SH3RF3: variants seen among roughly 807,000 people sequenced by gnomAD.
The protein encoded by SH3RF3 is SH3 domain containing ring finger 3, also known as E3 ubiquitin-protein ligase SH3RF3.
In SH3RF3, 29 loss-of-function variants were observed where a neutral mutation model predicts 66.3. The ratio of observed to expected loss-of-function variants is 0.44; its 90% CI spans 0.33 to 0.60. The LOEUF (loss-of-function observed/expected upper bound fraction) is 0.60, where lower values mean the gene tolerates loss of function less well. Among genes scored for constraint, SH3RF3 ranks in the 20% least tolerant of loss-of-function variants. The pLI is 0.04. For missense variants in SH3RF3, 1,194 were observed against 1,190.9 expected (o/e 1.00, Z -0.04); for synonymous variants, 583 against 532.0 (o/e 1.10, Z -1.32).
intron 1 of SH3RF3, among the ~76,000 whole-genome samples, chr2:109,179,964 CA>C (rs1446128545): frequency 5.9e-5 from 3 of 50,786 alleles, no homozygotes; most frequent in Admixed American, 5.0e-4. Flanking sequence ...CATTTGGACC[CA>C]AAGGTGTTCT....
At chr2:109,379,327 A>G (rs1055254943) in intron 3 of SH3RF3, among the ~76,000 whole-genome samples, 3 of 152,226 alleles carry the variant, frequency 2.0e-5, no homozygotes, top group African/African-American at 7.2e-5. Context: ...TTTTCCTTAG[A>G]TGAGGAACTG....
At chr2:109,331,226 G>A (rs541498598) in intron 1 of SH3RF3, among the ~76,000 whole-genome samples, 30 of 152,122 alleles carry the variant, frequency 2.0e-4, no homozygotes, top group Non-Finnish European at 3.4e-4. Flanking sequence ...GAAATTTCCT[G>A]ATATTGTGTA....
At chr2:109,442,826 G>A (rs1364346378) in intron 7 of SH3RF3, among the ~76,000 whole-genome samples, 1 of 152,222 alleles carries the variant, frequency 6.6e-6, no homozygotes, top group Non-Finnish European at 1.5e-5. Context: ...AAAACATATA[G>A]TAGGATGGTA....
chr2:109,188,095 C>T (rs565083711), intron 1 of SH3RF3, among the ~76,000 whole-genome samples: 155 of 152,364 alleles, frequency 1.0e-3, no homozygotes, highest in Non-Finnish European at 1.9e-3. Context: ...CAGATGTGTG[C>T]TCTGTGCGGT....
At chr2:109,238,449 TTGTGTGTGTGTGTGTGTG>T (rs56112018) in intron 1 of SH3RF3, among the ~76,000 whole-genome samples, 1,907 of 142,702 alleles carry the variant, frequency 0.013, 45 homozygotes, top group African/African-American at 0.039. Flanking sequence ...TTATGTATAT[TTGTGTGTGTGTGTGTGTG>T]TGTGTGTGTG....
intron 4 of SH3RF3, among the ~76,000 whole-genome samples, chr2:109,416,977 A>G (rs1303865471): frequency 2.0e-5 from 3 of 151,818 alleles, no homozygotes; most frequent in African/African-American, 7.3e-5. Flanking sequence ...ACACAGTCAC[A>G]GGCCATGGTG....
In SH3RF3 at chr2:109,185,770, A is replaced by G. The variant is rs955555763; in HGVS notation, c.573+55657A>G. Among the ~76,000 whole-genome samples, 5 of 152,354 alleles carry G rather than the reference A, an allele frequency of 3.3e-5. No individual in the cohort carries two copies. The East Asian group carries it at 9.6e-4, about 29-fold the overall frequency. ...ATCCAGGATTTTATATTGTGATTTCAAATTAACTTGGCACACTAATACTTC... is the reference window on the plus strand; with the variant it reads ...ATCCAGGATTTTATATTGTGATTTCGAATTAACTTGGCACACTAATACTTC... On this transcript the variant is annotated intron_variant, in intron 1 of 9. Transcript: ENST00000309415.
chr2:109,463,520 C>T (rs190693404), intron 8 of SH3RF3, among the ~76,000 whole-genome samples: 13 of 152,248 alleles, frequency 8.5e-5, no homozygotes, highest in Admixed American at 4.6e-4. Flanking sequence ...TTCTCATAGT[C>T]GTGGTGAAAG....
intron 1 of SH3RF3, among the ~76,000 whole-genome samples, chr2:109,152,440 G>C (rs1377497661): frequency 1.3e-5 from 2 of 152,220 alleles, no homozygotes; most frequent in African/African-American, 2.4e-5. Flanking sequence ...AGTTGAGAAC[G>C]AGAGCATAAT....
In SH3RF3 at chr2:109,442,502, CTG is replaced by C. The variant is rs1677597739; in HGVS notation, c.1828+5358_1828+5359del. On this transcript the variant is annotated intron_variant, in intron 7 of 9. Coordinates refer to ENST00000309415, the MANE Select transcript of SH3RF3 (RefSeq NM_001099289.3). ...TTGAATATCTTTAAAATATAATTGA[CTG>C]TTTAAACAAAAGTGAAAGCAATCTA... Among the ~76,000 whole-genome samples the C allele has an allele frequency of 2.6e-5, 4 of 152,230 alleles. No individual in the cohort carries two copies. In the South Asian group the frequency reaches 8.3e-4, roughly 32 times the overall value.
intron 5 of SH3RF3, among the ~76,000 whole-genome samples, chr2:109,428,726 G>A (rs111575456): frequency 3.9e-5 from 6 of 152,338 alleles, no homozygotes; most frequent in East Asian, 1.9e-4. Flanking sequence ...GTGAGAATCC[G>A]CAGAGGTGAT....
At chr2:109,218,217 A>G (rs1679147329) in intron 1 of SH3RF3, among the ~76,000 whole-genome samples, 1 of 151,950 alleles carries the variant, frequency 6.6e-6, no homozygotes, top group Non-Finnish European at 1.5e-5. Flanking sequence ...TTTAGTTTTC[A>G]TCAGGGTCCT....
chr2:109,199,329 A>AAAATG (rs760585292), intron 1 of SH3RF3, among the ~76,000 whole-genome samples: 15 of 1,076 alleles, frequency 0.014, 4 homozygotes, highest in East Asian at 0.036. Flanking sequence ...CTCAAAAAGT[A>AAAATG]AAATGGAATG....
rs1215534690 is a variant in SH3RF3 at position 109,129,557 on chromosome 2, C to G, written c.17C>G (p.Ser6Cys). Reference protein sequence around the residue: MLLGASWLCASKAAAA... With the variant: MLLGACWLCASKAAAA... Reference sequence around the variant, plus strand: ...GCCTCCCCCATGCTGCTCGGAGCGTCCTGGCTGTGCGCATCCAAGGCGGCC... The same window carrying G: ...GCCTCCCCCATGCTGCTCGGAGCGTGCTGGCTGTGCGCATCCAAGGCGGCC... Residue 6 changes from serine to cysteine, a missense_variant, in exon 1 of 10, where the codon TCC becomes TGC. Ser to Cys is a moderately radical substitution (Grantham distance 112). Transcript: ENST00000309415. 2.7e-6 allele frequency: 4 copies of G among 1,492,352 alleles called. No individual in the cohort carries two copies. Among genetic ancestry groups the G allele is most frequent in the Non-Finnish European group, 3.5e-6 (4 of 1,128,716 alleles). 92.4% of individuals were successfully genotyped at this position (1,492,352 alleles called of 1,614,324 possible).
At chr2:109,257,737 CA>C (rs1680254899) in intron 1 of SH3RF3, among the ~76,000 whole-genome samples, 1 of 152,030 alleles carries the variant, frequency 6.6e-6, no homozygotes, top group Non-Finnish European at 1.5e-5. Context: ...TCTCAGTGTC[CA>C]AAAAAACCAA....
At chr2:109,414,339 T>A (rs1157946372) in intron 4 of SH3RF3, among the ~76,000 whole-genome samples, 1 of 152,196 alleles carries the variant, frequency 6.6e-6, no homozygotes, top group Non-Finnish European at 1.5e-5. Context: ...AACCCCATCT[T>A]CTCATGTCTT....
intron 1 of SH3RF3, among the ~76,000 whole-genome samples, chr2:109,234,860 G>C (rs1458747715): frequency 1.3e-5 from 2 of 152,218 alleles, no homozygotes; most frequent in Non-Finnish European, 2.9e-5. Context: ...AACAGTTCTA[G>C]TTGCCACCTC....
intron 1 of SH3RF3, among the ~76,000 whole-genome samples, chr2:109,239,934 G>C (rs528188945): frequency 6.6e-6 from 1 of 152,352 alleles, no homozygotes; most frequent in South Asian, 2.1e-4. Flanking sequence ...GGAGGTGACT[G>C]ATAGCAAAAT....
chr2:109,294,492 TGGA>T (rs1681260040), intron 1 of SH3RF3, among the ~76,000 whole-genome samples: 2 of 145,832 alleles, frequency 1.4e-5, no homozygotes, highest in Middle Eastern at 3.6e-3. Flanking sequence ...ACCCAGGAGG[TGGA>T]GGTTGCAGTG....
Sources: gnomAD v4.1 joint callset for allele counts (sites outside exome capture counted in the v4.1 genomes callset) on GRCh38, gnomAD v4.1.1 for gene constraint, MANE v1.5 for transcripts, NCBI Gene and HGNC (gene_info 2026-07-23, HGNC 2026-07-21) for gene names.